SMYD3: variants seen among roughly 807,000 people sequenced by gnomAD.
SMYD3 encodes histone-lysine N-methyltransferase SMYD3.
In SMYD3, 36 loss-of-function variants were observed where a neutral mutation model predicts 57.7. The ratio of observed to expected loss-of-function variants is 0.62; its 90% CI spans 0.48 to 0.82. The LOEUF is 0.82. Ranked by LOEUF, SMYD3 falls within the 40% of genes least tolerant of loss-of-function variation. The pLI is 0.00. For synonymous variants in SMYD3, 211 were observed against 195.0 expected, an observed-to-expected ratio of 1.08 and a Z score of -0.68; for missense variants, 515 against 538.8, an observed-to-expected ratio of 0.96 and a Z score of 0.44.
chr1:246,483,245 T>A (rs563304663), intron 1 of SMYD3, among the ~76,000 whole-genome samples: 1 of 152,338 alleles, frequency 6.6e-6, no homozygotes, highest in East Asian at 1.9e-4. Context: ...TGTTGATAAG[T>A]CCTTGAAATC....
chr1:246,196,034 T>C (rs936882679), intron 5 of SMYD3, among the ~76,000 whole-genome samples: 1 of 152,200 alleles, frequency 6.6e-6, no homozygotes, highest in Non-Finnish European at 1.5e-5. Context: ...GTCACTTCTT[T>C]ATTTAAAAAA....
At chr1:246,107,149 T>C (rs7545895) in intron 5 of SMYD3, among the ~76,000 whole-genome samples, 46,391 of 136,838 alleles carry the variant, frequency 0.34, 11,624 homozygotes, top group African/African-American at 0.67. Context: ...TAGCCAGGCG[T>C]GGTGGCAGGC....
intron 8 of SMYD3, among the ~76,000 whole-genome samples, chr1:245,906,254 G>A (rs942746742): frequency 6.6e-6 from 1 of 152,060 alleles, no homozygotes; most frequent in Non-Finnish European, 1.5e-5. Context: ...TCTGACAAGG[G>A]GTTAATCACC....
intron 5 of SMYD3, among the ~76,000 whole-genome samples, chr1:246,050,983 TA>T (rs1251539211): frequency 6.6e-6 from 1 of 151,998 alleles, no homozygotes; most frequent in Non-Finnish European, 1.5e-5. Flanking sequence ...TGATGAGAGG[TA>T]AAAGGATGGG....
At position 245,749,546 on chromosome 1, in the gene SMYD3, CCT is replaced by C; in HGVS notation, c.*15_*16del. 1.2e-6 allele frequency: 2 copies of C among 1,601,876 alleles called. No homozygotes were observed. The highest frequency in any genetic ancestry group is 1.7e-6 in the Non-Finnish European group (2 of 1,168,878). On this transcript the variant is annotated 3_prime_UTR_variant, in exon 12 of 12. Coordinates refer to ENST00000490107, the MANE Select transcript of SMYD3 (RefSeq NM_001167740.2). ...TCAACAAAGACACACGCCGTATTTC[CCT>C]CTGACTGCGTTCCCTTAGGATGCTC...
rs528962796 is a variant in SMYD3 at position 245,944,105 on chromosome 1, C to T, written c.532-14168G>A. 1.9e-3 allele frequency among the ~76,000 whole-genome samples: 285 copies of T among 152,296 alleles called. 3 individuals are homozygous for T. Among genetic ancestry groups the T allele is most frequent in the Middle Eastern group, 6.8e-3 (2 of 294 alleles). ...AAGACAAGGATGCCCTCTCTCACCACTCCTATTCAACACAGTATTGGAAGT... is the reference window on the plus strand; with the variant it reads ...AAGACAAGGATGCCCTCTCTCACCATTCCTATTCAACACAGTATTGGAAGT... On this transcript the variant is annotated intron_variant, in intron 5 of 11. Coordinates refer to ENST00000490107, the MANE Select transcript of SMYD3 (RefSeq NM_001167740.2).
At chr1:246,301,088 C>T (rs1006306019) in intron 5 of SMYD3, among the ~76,000 whole-genome samples, 1 of 152,086 alleles carries the variant, frequency 6.6e-6, no homozygotes. Flanking sequence ...TATTAAAATA[C>T]TACCAGTACC....
chr1:246,330,482 G>A lies in SMYD3; in HGVS notation c.392C>T (p.Ser131Leu). ...EKLYSFYDLE[S>L]NINKLTEDKK... The stretch of plus-strand genomic sequence containing the variant: ...GATGCTGATAGACAATCACTTACTT[G>A]ACTCCAGATCATAAAATGAGTAAAG... Residue 131 changes from serine to leucine, a missense_variant and splice_region_variant, in exon 4 of 12, where the codon TCA becomes TTA. Coordinates refer to ENST00000490107, the MANE Select transcript of SMYD3 (RefSeq NM_001167740.2). 1 of 1,582,634 alleles carries A rather than the reference G, an allele frequency of 6.3e-7. No homozygotes were observed. Among genetic ancestry groups the A allele is most frequent in the Non-Finnish European group, 8.6e-7 (1 of 1,166,754 alleles).
At chr1:246,291,104 G>T (rs1038430023) in intron 5 of SMYD3, among the ~76,000 whole-genome samples, 1 of 152,058 alleles carries the variant, frequency 6.6e-6, no homozygotes, top group Non-Finnish European at 1.5e-5. Flanking sequence ...GAAAACATTG[G>T]TATTTCCATA....
At chr1:246,391,367 G>A (rs538197966) in intron 1 of SMYD3, among the ~76,000 whole-genome samples, 10 of 149,890 alleles carry the variant, frequency 6.7e-5, no homozygotes, top group South Asian at 2.1e-4. Context: ...GAAACAAAGC[G>A]AGACCTTATT....
At position 245,772,375 on chromosome 1, in the gene SMYD3, C is replaced by T. The variant is rs187809807; in HGVS notation, c.1077-8226G>A. On this transcript the variant is annotated intron_variant, in intron 10 of 11. Coordinates refer to ENST00000490107, the MANE Select transcript of SMYD3 (RefSeq NM_001167740.2). ...CTCAAAAGGTGGGGTTTAGGCCAGG[C>T]GCCATGGCTCACACCCTTAATCCCA... is the stretch of plus-strand genomic sequence containing the variant. Among the ~76,000 whole-genome samples the T allele has an allele frequency of 2.6e-3, 394 of 152,300 alleles. 2 individuals carry two copies. The highest frequency in any genetic ancestry group is 8.5e-3 in the African/African-American group (353 of 41,562).
At chr1:246,498,227 A>T (rs2068394518) in intron 1 of SMYD3, among the ~76,000 whole-genome samples, 2 of 152,232 alleles carry the variant, frequency 1.3e-5, no homozygotes, top group African/African-American at 2.4e-5. Context: ...ACACACATGC[A>T]AGGTTATTCA....
At chr1:245,761,275 A>C (rs752666000) in intron 11 of SMYD3, among the ~76,000 whole-genome samples, 55 of 152,140 alleles carry the variant, frequency 3.6e-4, no homozygotes, top group Non-Finnish European at 6.8e-4. Flanking sequence ...GAATAGGAAA[A>C]GCTAACATGA....
chr1:246,346,052 A>G (rs2065707942), intron 2 of SMYD3, among the ~76,000 whole-genome samples: 1 of 152,170 alleles, frequency 6.6e-6, no homozygotes, highest in Non-Finnish European at 1.5e-5. Context: ...TGGGAGGCCA[A>G]GGGGGGTGGA....
At chr1:246,370,034 A>G (rs1287168773) in intron 1 of SMYD3, among the ~76,000 whole-genome samples, 1 of 152,228 alleles carries the variant, frequency 6.6e-6, no homozygotes, top group East Asian at 1.9e-4. Context: ...ATGTGGACCC[A>G]GTTAGAATCC....
rs1346499494 is a variant in SMYD3 at position 246,463,683 on chromosome 1, A to C, written c.164+43371T>G. 3.1e-5 allele frequency among the ~76,000 whole-genome samples: 4 copies of C among 129,550 alleles called. No individual in the cohort carries two copies. The South Asian group carries it at 7.2e-4, about 23-fold the overall frequency. 85.0% of individuals were successfully genotyped at this position (129,550 alleles called of 152,430 possible). On this transcript the variant is annotated intron_variant, in intron 1 of 11. Coordinates refer to ENST00000490107, the MANE Select transcript of SMYD3 (RefSeq NM_001167740.2). Reference sequence around the variant, plus strand: ...ATACAAAAAAAAAAAAAAAAAAAAAAACATTAGCTGGGTGTTGTGGCGGGC... The same window carrying C: ...ATACAAAAAAAAAAAAAAAAAAAAACACATTAGCTGGGTGTTGTGGCGGGC...
At chr1:246,073,578 A>G (rs961885838) in intron 5 of SMYD3, among the ~76,000 whole-genome samples, 2 of 152,128 alleles carry the variant, frequency 1.3e-5, no homozygotes, top group Non-Finnish European at 2.9e-5. Context: ...TTAGCCGGGC[A>G]TGATGGCTCC....
At chr1:246,177,865 C>T (rs12125969) in intron 5 of SMYD3, among the ~76,000 whole-genome samples, 34,824 of 151,980 alleles carry the variant, frequency 0.23, 4,683 homozygotes, top group African/African-American at 0.36. Flanking sequence ...CTCAACCAGA[C>T]GGATGTTCTC....
At chr1:246,024,788 G>A (rs59471225) in intron 5 of SMYD3, among the ~76,000 whole-genome samples, 1 of 99,180 alleles carries the variant, frequency 1.0e-5, no homozygotes, top group African/African-American at 6.3e-5. Flanking sequence ...CATCTAGGAA[G>A]ACAGATACAG....
Sources: allele counts gnomAD v4.1 joint callset (sites outside exome capture counted in the v4.1 genomes callset), GRCh38; gene constraint gnomAD v4.1.1; transcripts MANE v1.5; gene names NCBI Gene and HGNC (gene_info 2026-07-23, HGNC 2026-07-21).